The following RBM44 variants were observed in gnomAD, a reference collection of about 807,000 sequenced individuals.
RBM44 encodes the protein RNA binding motif protein 44.
RBM44 carries 66 observed loss-of-function variants against 105.1 expected under a neutral mutation model. The observed-to-expected ratio is 0.63, with a 90% CI of 0.52 to 0.77. The LOEUF (loss-of-function observed/expected upper bound fraction) is 0.77, where lower values mean the gene tolerates loss of function less well. RBM44 is among the 30% of genes least tolerant of loss of function. RBM44 has a pLI of 0.00. For synonymous variants in RBM44, 365 were observed against 417.6 expected (o/e 0.87, Z 1.54); for missense variants, 1,122 against 1,207.8 (o/e 0.93, Z 1.05).
chr2:237,816,565 A>C (rs1385297143), intron 2 of RBM44, among the ~76,000 whole-genome samples: 2 of 152,122 alleles, frequency 1.3e-5, no homozygotes, highest in Admixed American at 6.6e-5. Context: ...TTATTTTCTC[A>C]TAGTTTTGGA....
intron 5 of RBM44, 74 bp from the exon 6 acceptor site, chr2:237,820,997 A>G: frequency 9.1e-7 from 1 of 1,095,796 alleles, no homozygotes. Flanking sequence ...AACCAAGTGT[A>G]TAATATAATA....
intron 15 of RBM44, 94 bp downstream of exon 15, chr2:237,834,517 T>G (rs1038456656): frequency 6.9e-6 from 4 of 581,392 alleles, no homozygotes; most frequent in Non-Finnish European, 1.1e-5. Context: ...ATATTAAATT[T>G]AAAATAATAA....
At chr2:237,834,246 C>T in intron 14 of RBM44, 32 bp from the exon 15 acceptor site, 1 of 1,546,944 alleles carries the variant, frequency 6.5e-7, no homozygotes, top group Non-Finnish European at 8.7e-7. Context: ...TTGGAAAAGA[C>T]AAATACTCAT....
intron 15 of RBM44, among the ~76,000 whole-genome samples, chr2:237,840,268 C>G (rs2061999681): frequency 6.6e-6 from 1 of 150,390 alleles, no homozygotes; most frequent in Non-Finnish European, 1.5e-5. Flanking sequence ...ATAATGCACA[C>G]TTGTAACAAT....
intron 13 of RBM44, among the ~76,000 whole-genome samples, chr2:237,831,964 C>T (rs1215027027): frequency 1.3e-5 from 2 of 152,020 alleles, no homozygotes; most frequent in African/African-American, 4.8e-5. Flanking sequence ...TCTCGTGTAG[C>T]ACATGTGGTC....
rs1034772039 is a variant in RBM44, at chr2:237,820,290, T to G, written c.1852T>G (p.Cys618Gly). ...LHLLNVHYQM[C>G]RRHCCDIYKL... ...CCTTTTAAATGTTCACTATCAGATG[T>G]GTCGTCGCCATTGTTGTGATATTTA... The change falls in exon 5 of 16, where the codon TGT becomes GGT. Residue 618 changes from cysteine to glycine, a missense_variant. This residue lies in a region of RBM44 where 918 missense variants were observed against 955.3 expected (regional missense o/e 0.96). Transcript: ENST00000316997. 1 of 1,604,250 alleles carries G rather than the reference T, an allele frequency of 6.2e-7. No homozygotes were observed. Among genetic ancestry groups the G allele is most frequent in the Non-Finnish European group, 8.5e-7 (1 of 1,174,500 alleles).
chr2:237,825,687 G>A (rs1459090743), intron 10 of RBM44, among the ~76,000 whole-genome samples: 1 of 152,100 alleles, frequency 6.6e-6, no homozygotes, highest in Non-Finnish European at 1.5e-5. Flanking sequence ...TGCCAGGTAC[G>A]GCATGCAGCC....
At chr2:237,836,778 CAAA>C (rs71039782) in intron 15 of RBM44, among the ~76,000 whole-genome samples, 16 of 87,966 alleles carry the variant, frequency 1.8e-4, no homozygotes, top group African/African-American at 3.8e-4. Context: ...GACTCCGTCT[CAAA>C]AAAAAAAAAA....
At position 237,833,934 on chromosome 2, in the gene RBM44, C is replaced by T. The variant is rs1189732813; in HGVS notation, c.2887-63C>T. 34 of 753,446 alleles carry T rather than the reference C, an allele frequency of 4.5e-5. 1 individual carries two copies. The East Asian group carries it at 8.6e-4, about 19-fold the overall frequency. The allele number at this position is 753,446 out of a possible 1,614,324, so 46.7% of individuals were successfully genotyped here. On this transcript the variant is annotated intron_variant, in intron 13 of 15. Coordinates refer to ENST00000316997, the MANE Select transcript of RBM44 (RefSeq NM_001080504.3). ...TTCAAATATATTATTGTTGAATAAG[C>T]GGTATTATCTTTATGTAATGGTCCT...
intron 9 of RBM44, among the ~76,000 whole-genome samples, chr2:237,823,785 A>T (rs1165589028): frequency 6.6e-6 from 1 of 152,146 alleles, no homozygotes. Context: ...CTTCTGGTTC[A>T]TGTTTTTAGT....
intron 10 of RBM44, among the ~76,000 whole-genome samples, chr2:237,825,954 G>A (rs1490213860): frequency 6.6e-6 from 1 of 152,036 alleles, no homozygotes; most frequent in African/African-American, 2.4e-5. Flanking sequence ...AACTCTGCCT[G>A]GATTCCAGCA....
intron 2 of RBM44, among the ~76,000 whole-genome samples, chr2:237,814,310 G>A (rs2061689954): frequency 6.6e-6 from 1 of 152,146 alleles, no homozygotes; most frequent in Non-Finnish European, 1.5e-5. Context: ...AGAAAGCATT[G>A]TAAGACGATT....
intron 1 of RBM44, among the ~76,000 whole-genome samples, chr2:237,806,681 A>T (rs7573261): frequency 0.099 from 15,043 of 152,214 alleles, 1,403 homozygotes; most frequent in African/African-American, 0.24. Flanking sequence ...GAGAAGGGAG[A>T]TATATAAAAG....
chr2:237,819,869 AT>A (rs1200538229), intron 4 of RBM44, among the ~76,000 whole-genome samples: 1 of 152,012 alleles, frequency 6.6e-6, no homozygotes, highest in African/African-American at 2.4e-5. Context: ...CATTACCAAA[AT>A]GACTTTATAG....
Position 237,807,007 on chromosome 2 carries a change from A to G in RBM44, c.-18-6585A>G, listed in dbSNP as rs1285821639. Among the ~76,000 whole-genome samples, 4 of 152,326 alleles carry G rather than the reference A, an allele frequency of 2.6e-5. No individual in the cohort carries two copies. The South Asian group carries it at 8.3e-4, about 32-fold the overall frequency. ...TGCATATTTTCATTTATAAGTAGCT[A>G]AACGTATCATTTTAATAGTTTGTCT... On this transcript the variant is annotated intron_variant, in intron 1 of 15. Transcript: ENST00000316997.
At chr2:237,820,454 G>C (rs2061773306) in intron 5 of RBM44, 103 bp downstream of exon 5, 3 of 704,194 alleles carry the variant, frequency 4.3e-6, no homozygotes, top group Non-Finnish European at 6.8e-6. Context: ...AGTAAAATGA[G>C]GAGTAGATTG....
At position 237,842,306 on chromosome 2, in the gene RBM44, T is replaced by C. The variant is rs1300926048; in HGVS notation, c.*490T>C. On this transcript the variant is annotated 3_prime_UTR_variant, in exon 16 of 16. Coordinates refer to ENST00000316997, the MANE Select transcript of RBM44 (RefSeq NM_001080504.3). ...TAGGATAACAGATAAATAAACTGTA[T>C]AGATACATTCAGTATCATACAACAT... 6.6e-6 allele frequency: 1 copy of C among 152,146 alleles called. No individual in the cohort carries two copies. The highest frequency in any genetic ancestry group is 1.5e-5 in the Non-Finnish European group (1 of 67,970). The allele number at this position is 152,146 out of a possible 1,614,324, so 9.4% of individuals were successfully genotyped here.
chr2:237,817,045 T>G lies in RBM44; in HGVS notation c.126T>G (p.Cys42Trp). 1 of 1,587,984 alleles carries G rather than the reference T, an allele frequency of 6.3e-7. No homozygotes were observed. The highest frequency in any genetic ancestry group is 8.6e-7 in the Non-Finnish European group (1 of 1,169,262). The change falls in exon 3 of 16, where the codon TGT (cysteine) becomes TGG (tryptophan). Residue 42 changes from cysteine (C) to tryptophan (W), a missense_variant. Cys to Trp is a radical substitution (Grantham distance 215, BLOSUM62 -2). Around this residue, in one of 3 missense-constraint regions of RBM44, gnomAD observed 918 missense variants for 955.3 expected, o/e 0.96. Coordinates refer to ENST00000316997, the MANE Select transcript of RBM44 (RefSeq NM_001080504.3). ...KENLLLSSNG[C>W]DEVKLTFPDD... Reference sequence around the variant, plus strand: ...ATTTGTTATTATCCTCCAATGGTTGTGATGAAGTCAAATTGACTTTTCCTG... The same window carrying G: ...ATTTGTTATTATCCTCCAATGGTTGGGATGAAGTCAAATTGACTTTTCCTG...
At position 237,821,377 on chromosome 2, in the gene RBM44, T is replaced by C; in HGVS notation, c.2120+9T>C. ...AAAAAAGAAACACATGTGTGAGTTA[T>C]GGTTTCATTTGATTTATAATTCATT... On this transcript the variant is annotated intron_variant, in intron 7 of 15. Transcript: ENST00000316997. The C allele has an allele frequency of 1.3e-6, 2 of 1,544,226 alleles. No homozygotes were observed. Among genetic ancestry groups the C allele is most frequent in the Non-Finnish European group, 1.8e-6 (2 of 1,139,954 alleles).
Sources: allele counts gnomAD v4.1 joint callset (sites outside exome capture counted in the v4.1 genomes callset), GRCh38; gene constraint gnomAD v4.1.1; regional missense constraint gnomAD v4.1.1; transcripts MANE v1.5; gene names NCBI Gene and HGNC (gene_info 2026-07-23, HGNC 2026-07-21).